The following TGM6 variants were observed in gnomAD, a reference collection of about 807,000 sequenced individuals.
TGM6 encodes transglutaminase 6, also known as protein-glutamine gamma-glutamyltransferase 6.
A neutral mutation model predicts 77.5 loss-of-function variants in TGM6; 74 were observed. The observed-to-expected ratio is 0.96, with a 90% CI of 0.79 to 1.16. The LOEUF (loss-of-function observed/expected upper bound fraction) is 1.16, where lower values mean the gene tolerates loss of function less well. TGM6 is among the 50% of genes most tolerant of loss of function. The probability of loss-of-function intolerance (pLI) is 0.00; values close to 1 mark genes in which losing one functional copy is unlikely to be tolerated. For missense variants in TGM6, 968 were observed against 940.2 expected (o/e 1.03, Z -0.39); for synonymous variants, 383 against 378.9 (o/e 1.01, Z -0.12).
At chr20:2,383,739 C>T (rs1453317636) in intron 1 of TGM6, among the ~76,000 whole-genome samples, 1 of 151,972 alleles carries the variant, frequency 6.6e-6, no homozygotes, top group Admixed American at 6.6e-5. Flanking sequence ...ACAAGAAACC[C>T]CGTGCATGTA....
chr20:2,432,669 G>C lies in TGM6; in HGVS notation c.*26G>C. On this transcript the variant is annotated 3_prime_UTR_variant, in exon 13 of 13. Coordinates refer to ENST00000202625, the MANE Select transcript of TGM6 (RefSeq NM_198994.3). The stretch of plus-strand genomic sequence containing the variant: ...TGGATCATGAGGGACTGAGAGGGGT[G>C]GATTTGGCCCCTGTCCTCCTCCTGC... The C allele has an allele frequency of 6.2e-7, 1 of 1,613,934 alleles. No individual in the cohort carries two copies.
rs1194213030 is a variant in TGM6, at chr20:2,430,459, A to C, written c.1692A>C (p.Pro564=). Residue 564 remains proline, a synonymous_variant, in exon 11 of 13, where the codon CCA becomes CCC. Coordinates refer to ENST00000202625, the MANE Select transcript of TGM6 (RefSeq NM_198994.3). ...TTTCCCTTCCAGAGAAGAGAATCCC[A>C]ATTACAATATCTTACTCTAAGTATA... The part of the protein sequence containing the change: ...RLGPQEEKRI[P]ITISYSKYKE... 2.5e-6 allele frequency: 4 copies of C among 1,614,102 alleles called. No homozygotes were observed. In the African/African-American group the frequency reaches 5.3e-5, roughly 22 times the overall value.
At chr20:2,420,664 C>G (rs987902581) in intron 10 of TGM6, among the ~76,000 whole-genome samples, 1 of 152,204 alleles carries the variant, frequency 6.6e-6, no homozygotes, top group Admixed American at 6.5e-5. Flanking sequence ...CTTGCCTGAA[C>G]CCCCAGTGAC....
chr20:2,400,794 AGCTGCG>A (rs1023385226), intron 7 of TGM6, among the ~76,000 whole-genome samples: 1 of 152,122 alleles, frequency 6.6e-6, no homozygotes, highest in African/African-American at 2.4e-5. Flanking sequence ...CTTCCGTATC[AGCTGCG>A]GTTCTCCGTG....
chr20:2,419,485 T>G (rs1334866424), intron 10 of TGM6, among the ~76,000 whole-genome samples: 1 of 152,250 alleles, frequency 6.6e-6, no homozygotes, highest in Non-Finnish European at 1.5e-5. Context: ...CCTCTGGCTT[T>G]CAGCAATTTT....
rs1313832142 is a variant in TGM6 at position 2,399,741 on chromosome 20, A to G, written c.850+3A>G. The G allele has an allele frequency of 6.2e-7, 1 of 1,612,476 alleles. No individual in the cohort carries two copies. Among genetic ancestry groups the G allele is most frequent in the Non-Finnish European group, 8.5e-7 (1 of 1,179,374 alleles). On this transcript the variant is annotated splice_donor_region_variant and intron_variant, in intron 6 of 12. Coordinates refer to ENST00000202625, the MANE Select transcript of TGM6 (RefSeq NM_198994.3). ...CTTCGCCGGAGTCCTGTGCACAGGT[A>G]CCCTGGGAGAGAAGGGCCCCAGGGT...
intron 11 of TGM6, 145 bp from the exon 12 acceptor site, chr20:2,430,749 G>A (rs2084918641): frequency 5.1e-6 from 8 of 1,581,630 alleles, no homozygotes; most frequent in Non-Finnish European, 6.1e-6. Flanking sequence ...TAAGGGGATG[G>A]GTGCAATAGT....
intron 10 of TGM6, among the ~76,000 whole-genome samples, chr20:2,423,744 C>T (rs1246280089): frequency 6.6e-6 from 1 of 152,146 alleles, no homozygotes; most frequent in African/African-American, 2.4e-5. Context: ...ATTGACTTTG[C>T]CCAGATCCAT....
At chr20:2,381,827 A>G (rs2084556890) in intron 1 of TGM6, among the ~76,000 whole-genome samples, 1 of 152,172 alleles carries the variant, frequency 6.6e-6, no homozygotes, top group South Asian at 2.1e-4. Flanking sequence ...CTGAGGTGAG[A>G]GGATCGCTTG....
intron 9 of TGM6, among the ~76,000 whole-genome samples, chr20:2,408,264 G>A (rs1328218369): frequency 6.6e-6 from 1 of 152,170 alleles, no homozygotes; most frequent in Non-Finnish European, 1.5e-5. Flanking sequence ...ACATGCTAGA[G>A]CTAGAGCACA....
intron 9 of TGM6, among the ~76,000 whole-genome samples, chr20:2,406,665 G>A (rs578037130): frequency 2.5e-4 from 37 of 148,678 alleles, no homozygotes; most frequent in South Asian, 1.7e-3. Flanking sequence ...GCGAAAACCC[G>A]TCTCTACTAA....
At chr20:2,400,276 C>A in intron 6 of TGM6, 30 bp from the exon 7 acceptor site, 1 of 1,613,698 alleles carries the variant, frequency 6.2e-7, no homozygotes, top group South Asian at 1.1e-5. Context: ...GGCCAGGGTC[C>A]CGCCTGCTCC....
intron 9 of TGM6, among the ~76,000 whole-genome samples, chr20:2,410,123 G>A (rs2084775992): frequency 6.6e-6 from 1 of 152,106 alleles, no homozygotes; most frequent in South Asian, 2.1e-4. Context: ...TTTCAGCATG[G>A]GGGCTGGTTG....
chr20:2,409,709 C>CAA (rs377094400), intron 9 of TGM6, among the ~76,000 whole-genome samples: 38 of 102,884 alleles, frequency 3.7e-4, no homozygotes, highest in African/African-American at 1.2e-3. Flanking sequence ...GAGACTGTCT[C>CAA]AAAAAAAAAA....
At position 2,432,718 on chromosome 20, in the gene TGM6, G is replaced by A. The variant is rs553444903; in HGVS notation, c.*75G>A. ...GCCCATTCTTTGTCTCTTCCACATG[G>A]GAGCCAGGAGGCCTCAGTTAATCCT... On this transcript the variant is annotated 3_prime_UTR_variant, in exon 13 of 13. Coordinates refer to ENST00000202625, the MANE Select transcript of TGM6 (RefSeq NM_198994.3). The A allele has an allele frequency of 3.7e-5, 59 of 1,603,326 alleles. No individual in the cohort carries two copies. In the East Asian group the frequency reaches 1.1e-3, roughly 31 times the overall value.
intron 9 of TGM6, among the ~76,000 whole-genome samples, chr20:2,406,789 C>T (rs1186673835): frequency 5.2e-5 from 7 of 134,782 alleles, no homozygotes; most frequent in Non-Finnish European, 7.7e-5. Context: ...GAGCCAGGAT[C>T]GCACACTGCA....
chr20:2,414,343 G>A (rs997279847), intron 9 of TGM6, among the ~76,000 whole-genome samples: 3 of 152,300 alleles, frequency 2.0e-5, no homozygotes, highest in African/African-American at 7.2e-5. Flanking sequence ...TTAGGAAAAT[G>A]CATGTCAAAA....
chr20:2,429,897 A>C (rs1414744695), intron 10 of TGM6, among the ~76,000 whole-genome samples: 6 of 152,172 alleles, frequency 3.9e-5, no homozygotes, highest in Non-Finnish European at 7.3e-5. Flanking sequence ...AGAGCATGAG[A>C]GCACTGGGAG....
intron 10 of TGM6, among the ~76,000 whole-genome samples, chr20:2,421,809 T>G (rs2084857979): frequency 6.6e-6 from 1 of 152,192 alleles, no homozygotes; most frequent in Admixed American, 6.5e-5. Flanking sequence ...ATTTTTTCTT[T>G]CATGGATCAT....
Sources: gnomAD v4.1 joint callset for allele counts (sites outside exome capture counted in the v4.1 genomes callset) on GRCh38, gnomAD v4.1.1 for gene constraint, MANE v1.5 for transcripts, NCBI Gene and HGNC (gene_info 2026-07-23, HGNC 2026-07-21) for gene names.